AIG1: variants seen among roughly 807,000 people sequenced by gnomAD.
The protein encoded by AIG1 is androgen induced 1, also known as androgen-induced gene 1 protein.
In AIG1, 23 loss-of-function variants were observed where a neutral mutation model predicts 31.4. The ratio of observed to expected loss-of-function variants is 0.73; its 90% CI spans 0.53 to 1.04. AIG1 has a LOEUF of 1.04. Ranked by LOEUF, AIG1 falls within the 50% of genes least tolerant of loss-of-function variation. AIG1 has a pLI of 0.00. For synonymous variants in AIG1, 100 were observed against 110.5 expected (o/e 0.90, Z 0.60); for missense variants, 274 against 295.0 (o/e 0.93, Z 0.52).
At chr6:143,087,409 T>C (rs1254808710) in intron 1 of AIG1, among the ~76,000 whole-genome samples, 1 of 152,226 alleles carries the variant, frequency 6.6e-6, no homozygotes, top group East Asian at 1.9e-4. Context: ...GTGACTAGTG[T>C]TCAGCTCAAT....
chr6:143,131,843 G>A (rs991754935), intron 1 of AIG1, among the ~76,000 whole-genome samples: 1 of 152,180 alleles, frequency 6.6e-6, no homozygotes, highest in South Asian at 2.1e-4. Context: ...AAGCTGAGGA[G>A]TAATATATTG....
chr6:143,074,686 G>A (rs568737053), intron 1 of AIG1, among the ~76,000 whole-genome samples: 244 of 152,276 alleles, frequency 1.6e-3, no homozygotes, highest in Middle Eastern at 3.4e-3. Context: ...TTTTTGACTC[G>A]AACCAAGCTT....
At chr6:143,257,482 A>G (rs1256777753) in intron 3 of AIG1, among the ~76,000 whole-genome samples, 1 of 152,230 alleles carries the variant, frequency 6.6e-6, no homozygotes, top group Non-Finnish European at 1.5e-5. Context: ...GGAAATACAC[A>G]GTGAATTTTT....
intron 5 of AIG1, among the ~76,000 whole-genome samples, chr6:143,336,143 C>T (rs1387196286): frequency 6.6e-6 from 1 of 152,148 alleles, no homozygotes; most frequent in African/African-American, 2.4e-5. Flanking sequence ...GAGTACAGTA[C>T]TACAATCCTG....
At chr6:143,206,108 A>C (rs898138511) in intron 3 of AIG1, among the ~76,000 whole-genome samples, 1 of 152,178 alleles carries the variant, frequency 6.6e-6, no homozygotes, top group Admixed American at 6.5e-5. Context: ...GTATAGACAC[A>C]CTGTCAGATC....
chr6:143,266,630 C>A (rs191498981), intron 3 of AIG1, among the ~76,000 whole-genome samples: 106 of 152,026 alleles, frequency 7.0e-4, no homozygotes, highest in African/African-American at 2.4e-3. Flanking sequence ...GTCAATTATA[C>A]CCCAGTACTG....
At chr6:143,228,408 C>T (rs1456873678) in intron 3 of AIG1, among the ~76,000 whole-genome samples, 1 of 152,226 alleles carries the variant, frequency 6.6e-6, no homozygotes, top group Non-Finnish European at 1.5e-5. Flanking sequence ...GTAAGGCTAC[C>T]TCTACAGCGG....
chr6:143,226,307 C>G (rs1792947783), intron 3 of AIG1, among the ~76,000 whole-genome samples: 1 of 150,726 alleles, frequency 6.6e-6, no homozygotes, highest in East Asian at 2.0e-4. Context: ...GTGGGATGAT[C>G]TCGGCTCACT....
chr6:143,193,824 C>T (rs1459685191), intron 3 of AIG1, among the ~76,000 whole-genome samples: 2 of 152,172 alleles, frequency 1.3e-5, no homozygotes, highest in Non-Finnish European at 2.9e-5. Flanking sequence ...ATTGAATCCT[C>T]ACAACCTGAT....
At chr6:143,078,213 G>C (rs536400121) in intron 1 of AIG1, among the ~76,000 whole-genome samples, 14 of 151,948 alleles carry the variant, frequency 9.2e-5, no homozygotes, top group Admixed American at 2.6e-4. Flanking sequence ...AATGTCCACC[G>C]GGTTCCATTT....
chr6:143,065,323 G>C (rs184833791), intron 1 of AIG1, among the ~76,000 whole-genome samples: 3 of 152,188 alleles, frequency 2.0e-5, no homozygotes, highest in Non-Finnish European at 4.4e-5. Flanking sequence ...AAGTATTTCA[G>C]AGACTATCAT....
intron 1 of AIG1, among the ~76,000 whole-genome samples, chr6:143,105,615 A>G (rs1179755112): frequency 6.6e-6 from 1 of 152,260 alleles, no homozygotes; most frequent in Non-Finnish European, 1.5e-5. Context: ...TTGAATTGGC[A>G]ATATAAGCGA....
chr6:143,167,150 G>A (rs1033926535), intron 3 of AIG1, among the ~76,000 whole-genome samples: 1 of 152,182 alleles, frequency 6.6e-6, no homozygotes, highest in East Asian at 1.9e-4. Flanking sequence ...ATCTCCAAGA[G>A]CTGAGTTGTA....
chr6:143,115,119 A>C (rs746555528), intron 1 of AIG1, among the ~76,000 whole-genome samples: 1 of 152,268 alleles, frequency 6.6e-6, no homozygotes, highest in African/African-American at 2.4e-5. Context: ...CATTTTGGTC[A>C]GTTTTGCAAT....
At chr6:143,161,846 T>G (rs187809856) in intron 2 of AIG1, among the ~76,000 whole-genome samples, 5 of 152,182 alleles carry the variant, frequency 3.3e-5, no homozygotes, top group Admixed American at 3.3e-4. Context: ...AATATCAGAC[T>G]TAAGTGTGGA....
chr6:143,287,104 C>T (rs997953296), intron 4 of AIG1, among the ~76,000 whole-genome samples: 1 of 151,970 alleles, frequency 6.6e-6, no homozygotes, highest in Non-Finnish European at 1.5e-5. Context: ...TAACTCCTTT[C>T]CTGGACACCC....
chr6:143,124,631 G>A lies in AIG1; in HGVS notation c.142-12204G>A, dbSNP rs146771646. On this transcript the variant is annotated intron_variant, in intron 1 of 5. Transcript: ENST00000357847. Reference sequence around the variant, plus strand: ...CTCACACTGCTATGAAGAAATACCCGAGGGTAATTTACAAAGGATAGAGGT... The same window carrying A: ...CTCACACTGCTATGAAGAAATACCCAAGGGTAATTTACAAAGGATAGAGGT... Among the ~76,000 whole-genome samples the A allele has an allele frequency of 3.3e-3, 496 of 152,258 alleles. 3 individuals carry two copies. Among genetic ancestry groups the A allele is most frequent in the African/African-American group, 9.9e-3 (413 of 41,550 alleles).
In AIG1 at chr6:143,077,690, G is replaced by A. The variant is rs576155040; in HGVS notation, c.141+16624G>A. 3.3e-5 allele frequency among the ~76,000 whole-genome samples: 5 copies of A among 152,284 alleles called. No homozygotes were observed. The East Asian group carries it at 9.6e-4, about 29-fold the overall frequency. Reference sequence around the variant, plus strand: ...ATGGTTTTATAAGTTTACTTTGGTAGGAGTGTGCTGAGCTTCTTGAATCTC... The same window carrying A: ...ATGGTTTTATAAGTTTACTTTGGTAAGAGTGTGCTGAGCTTCTTGAATCTC... On this transcript the variant is annotated intron_variant, in intron 1 of 5. Transcript: ENST00000357847.
chr6:143,254,233 T>C (rs149861266), intron 3 of AIG1, among the ~76,000 whole-genome samples: 2 of 152,252 alleles, frequency 1.3e-5, no homozygotes, highest in East Asian at 3.9e-4. Flanking sequence ...CAACATGACT[T>C]AGAGGAAAGG....
Sources: allele counts gnomAD v4.1 joint callset (sites outside exome capture counted in the v4.1 genomes callset), GRCh38; gene constraint gnomAD v4.1.1; transcripts MANE v1.5; gene names NCBI Gene and HGNC (gene_info 2026-07-23, HGNC 2026-07-21).